The following ZNF227 variants were observed in gnomAD, a reference collection of about 807,000 sequenced individuals.
ZNF227 encodes zinc finger protein 227.
A neutral mutation model predicts 13.2 loss-of-function variants in ZNF227; 12 were observed. The observed-to-expected ratio is 0.91, with a 90% CI of 0.58 to 1.47. The LOEUF is 1.47. Among genes scored for constraint, ZNF227 ranks in the 40% most tolerant of loss-of-function variants. The probability of loss-of-function intolerance (pLI) is 0.00; values close to 1 mark genes in which losing one functional copy is unlikely to be tolerated. For missense variants in ZNF227, 885 were observed against 967.5 expected (o/e 0.91, Z 1.13); for synonymous variants, 338 against 326.0 (o/e 1.04, Z -0.40).
At position 44,234,819 on chromosome 19, in the gene ZNF227, G is replaced by A. The variant is rs1974242551; in HGVS notation, c.389G>A (p.Cys130Tyr). The A allele has an allele frequency of 1.9e-6, 3 of 1,613,966 alleles. No homozygotes were observed. The highest frequency in any genetic ancestry group is 1.3e-5 in the African/African-American group (1 of 74,906). Residue 130 changes from cysteine (C) to tyrosine (Y), a missense_variant, in exon 6 of 6, where the codon TGT becomes TAT. Coordinates refer to ENST00000313040, the MANE Select transcript of ZNF227 (RefSeq NM_182490.3). ...CAGGTTGCAAGTGAATTAACCAGGT[G>A]TCTTCAGGGGAAGAGTTCCCAGTTA... ...WKQVASELTRCLQGKSSQLLQ... is the reference protein window; with the variant it reads ...WKQVASELTRYLQGKSSQLLQ...
intron 3 of ZNF227, among the ~76,000 whole-genome samples, chr19:44,222,184 A>G (rs1327362814): frequency 6.6e-6 from 1 of 151,902 alleles, no homozygotes; most frequent in East Asian, 1.9e-4. Flanking sequence ...TATAGTTTGA[A>G]GTCAGGTAGC....
intron 3 of ZNF227, among the ~76,000 whole-genome samples, 175 bp downstream of exon 3, chr19:44,218,027 C>T (rs1972078699): frequency 6.6e-6 from 1 of 152,088 alleles, no homozygotes; most frequent in Non-Finnish European, 1.5e-5. Flanking sequence ...TTTTACAAAA[C>T]AGTGTTTGAA....
chr19:44,218,929 C>T (rs1490084168), intron 3 of ZNF227, among the ~76,000 whole-genome samples: 1 of 152,134 alleles, frequency 6.6e-6, no homozygotes, highest in Non-Finnish European at 1.5e-5. Context: ...TTCTTGTCAC[C>T]CAGGCCGGAG....
intron 2 of ZNF227, among the ~76,000 whole-genome samples, chr19:44,216,818 C>T (rs1360030526): frequency 6.6e-6 from 1 of 152,088 alleles, no homozygotes; most frequent in Non-Finnish European, 1.5e-5. Flanking sequence ...ATAACAGTGT[C>T]AGTAAAATAT....
intron 2 of ZNF227, among the ~76,000 whole-genome samples, chr19:44,216,489 AT>A (rs1370707027): frequency 6.6e-6 from 1 of 151,906 alleles, no homozygotes; most frequent in Non-Finnish European, 1.5e-5. Context: ...GGGTATGTTT[AT>A]TTTTATTTAT....
intron 3 of ZNF227, among the ~76,000 whole-genome samples, chr19:44,225,136 C>T (rs901114318): frequency 1.5e-4 from 22 of 149,460 alleles, no homozygotes; most frequent in Admixed American, 9.5e-4. Context: ...CCGAGAGATC[C>T]GCTGTTAGTC....
In ZNF227 at chr19:44,236,956, T is replaced by C. The variant is rs879688935; in HGVS notation, c.*126T>C. 6 of 712,728 alleles carry C rather than the reference T, an allele frequency of 8.4e-6. No individual in the cohort carries two copies. Among genetic ancestry groups the C allele is most frequent in the Non-Finnish European group, 1.4e-5 (6 of 443,904 alleles). The allele number at this position is 712,728 out of a possible 1,614,324, so 44.2% of individuals were successfully genotyped here. Reference sequence around the variant, plus strand: ...GGGGGTTTGTTCACACTTGGAATCTTTCTAACAAATCCATCAAGATGATAA... The same window carrying C: ...GGGGGTTTGTTCACACTTGGAATCTCTCTAACAAATCCATCAAGATGATAA... On this transcript the variant is annotated 3_prime_UTR_variant, in exon 6 of 6. Transcript: ENST00000313040.
At chr19:44,232,817 C>T (rs907918583) in intron 5 of ZNF227, among the ~76,000 whole-genome samples, 23 of 152,030 alleles carry the variant, frequency 1.5e-4, no homozygotes, top group African/African-American at 5.1e-4. Context: ...TGCCTGCCAC[C>T]ATGCCAGGCT....
At chr19:44,217,473 GGTAA>G (rs1449553297) in intron 2 of ZNF227, 3 of 554,826 alleles carry the variant, frequency 5.4e-6, no homozygotes, top group Non-Finnish European at 1.0e-5. Context: ...TTACACAGCT[GGTAA>G]GTATCATTTC....
chr19:44,233,897 A>T lies in ZNF227; in HGVS notation c.272-805A>T, dbSNP rs567056946. Among the ~76,000 whole-genome samples, 876 of 138,806 alleles carry T rather than the reference A, an allele frequency of 6.3e-3. 7 individuals carry two copies. The highest frequency in any genetic ancestry group is 0.026 in the Middle Eastern group (7 of 268). 91.1% of individuals were successfully genotyped at this position (138,806 alleles called of 152,430 possible). ...GCGACAGAGCGAGACGCTGTTTTTT[A>T]AAAAAAAAATGGCGTATGGTGGTAC... On this transcript the variant is annotated intron_variant, in intron 5 of 5. Coordinates refer to ENST00000313040, the MANE Select transcript of ZNF227 (RefSeq NM_182490.3).
chr19:44,225,309 T>C (rs1972999921), intron 3 of ZNF227, among the ~76,000 whole-genome samples: 1 of 152,196 alleles, frequency 6.6e-6, no homozygotes, highest in Admixed American at 6.5e-5. Context: ...ATCTGAATGT[T>C]GGCCTGCCTT....
At chr19:44,227,696 C>T (rs1003993733) in intron 3 of ZNF227, among the ~76,000 whole-genome samples, 2 of 152,120 alleles carry the variant, frequency 1.3e-5, no homozygotes, top group Admixed American at 6.5e-5. Flanking sequence ...AATTTAGATA[C>T]AATGATAAAG....
chr19:44,220,963 A>G (rs1972436405), intron 3 of ZNF227, among the ~76,000 whole-genome samples: 1 of 152,086 alleles, frequency 6.6e-6, no homozygotes, highest in African/African-American at 2.4e-5. Context: ...AATTTCATCC[A>G]TGTCCCTACA....
Position 44,229,859 on chromosome 19 carries a change from C to T in ZNF227, c.271+43C>T, listed in dbSNP as rs765475492. 3.6e-6 allele frequency: 5 copies of T among 1,396,774 alleles called. No homozygotes were observed. The South Asian group carries it at 6.0e-5, about 17-fold the overall frequency. 86.5% of individuals were successfully genotyped at this position (1,396,774 alleles called of 1,614,324 possible). A position where few individuals can be genotyped will look rare whatever the true frequency, so the allele number is the denominator to read the frequency against. On this transcript the variant is annotated intron_variant, in intron 5 of 5. Transcript: ENST00000313040. Reference sequence around the variant, plus strand: ...AACCCTGTGTCTGTTCTTTCAGGTACTGGTTAGTCTGCATCTTACCATGTC... The same window carrying T: ...AACCCTGTGTCTGTTCTTTCAGGTATTGGTTAGTCTGCATCTTACCATGTC...
At chr19:44,228,903 G>A (rs1973483818) in intron 4 of ZNF227, 3 of 362,560 alleles carry the variant, frequency 8.3e-6, no homozygotes, top group Admixed American at 4.6e-5. Context: ...ACAGTGCACA[G>A]GACAGTGCCC....
In ZNF227 at chr19:44,236,944, C is replaced by A. The variant is rs1974573397; in HGVS notation, c.*114C>A. On this transcript the variant is annotated 3_prime_UTR_variant, in exon 6 of 6. Transcript: ENST00000313040. Reference sequence around the variant, plus strand: ...CTGAGAGTGGAAGGGGGTTTGTTCACACTTGGAATCTTTCTAACAAATCCA... The same window carrying A: ...CTGAGAGTGGAAGGGGGTTTGTTCAAACTTGGAATCTTTCTAACAAATCCA... 1.3e-6 allele frequency: 1 copy of A among 775,702 alleles called. No homozygotes were observed. The highest frequency in any genetic ancestry group is 2.0e-6 in the Non-Finnish European group (1 of 498,452). 48.1% of individuals were successfully genotyped at this position (775,702 alleles called of 1,614,324 possible). A position where few individuals can be genotyped will look rare whatever the true frequency, so the allele number is the denominator to read the frequency against.
At chr19:44,232,494 C>T (rs1973940677) in intron 5 of ZNF227, among the ~76,000 whole-genome samples, 1 of 151,882 alleles carries the variant, frequency 6.6e-6, no homozygotes, top group Non-Finnish European at 1.5e-5. Flanking sequence ...TTTATTATAG[C>T]AAAAAAGATA....
At chr19:44,225,891 G>A (rs1973082191) in intron 3 of ZNF227, among the ~76,000 whole-genome samples, 1 of 152,168 alleles carries the variant, frequency 6.6e-6, no homozygotes, top group Admixed American at 6.5e-5. Context: ...CCATCTTTAT[G>A]GTTTTATCTA....
chr19:44,231,561 G>A (rs541623737), intron 5 of ZNF227, among the ~76,000 whole-genome samples: 1 of 152,266 alleles, frequency 6.6e-6, no homozygotes, highest in African/African-American at 2.4e-5. Flanking sequence ...TCGAACTCCT[G>A]AGATCGTGGT....
Sources: allele counts gnomAD v4.1 joint callset (sites outside exome capture counted in the v4.1 genomes callset), GRCh38; gene constraint gnomAD v4.1.1; transcripts MANE v1.5; gene names NCBI Gene and HGNC (gene_info 2026-07-23, HGNC 2026-07-21).